The following NKAIN2 variants were observed in gnomAD, a reference collection of about 807,000 sequenced individuals.
NKAIN2 encodes the protein sodium/potassium transporting ATPase interacting 2, also known as sodium/potassium-transporting ATPase subunit beta-1-interacting protein 2.
Under a neutral mutation model 32.6 loss-of-function variants are expected in NKAIN2, and 14 were observed. The observed-to-expected ratio is 0.43, with a 90% confidence interval of 0.28 to 0.67. The LOEUF (loss-of-function observed/expected upper bound fraction) is 0.67, where lower values mean the gene tolerates loss of function less well. Among genes scored for constraint, NKAIN2 ranks in the 30% least tolerant of loss-of-function variants. The probability of loss-of-function intolerance (pLI) is 0.17; values close to 1 mark genes in which losing one functional copy is unlikely to be tolerated. For missense variants in NKAIN2, 198 were observed against 258.3 expected (o/e 0.77, Z 1.60); for synonymous variants, 80 against 87.2 (o/e 0.92, Z 0.46).
At chr6:124,422,815 A>G (rs62436336) in intron 3 of NKAIN2, among the ~76,000 whole-genome samples, 3,501 of 152,310 alleles carry the variant, frequency 0.023, 92 homozygotes, top group Non-Finnish European at 0.033. Context: ...TTCAGTGAAA[A>G]TCACTGTGAG....
intron 4 of NKAIN2, among the ~76,000 whole-genome samples, chr6:124,666,223 T>C (rs1249475995): frequency 6.6e-6 from 1 of 152,066 alleles, no homozygotes; most frequent in East Asian, 1.9e-4. Flanking sequence ...TTTATAAAAA[T>C]AGTCACAAAA....
chr6:124,124,340 G>C (rs1457240442), intron 1 of NKAIN2, among the ~76,000 whole-genome samples: 1 of 142,118 alleles, frequency 7.0e-6, no homozygotes, highest in Admixed American at 7.2e-5. Context: ...TTCATGAAGA[G>C]TATATAAATT....
At chr6:124,038,851 C>G (rs1460129660) in intron 1 of NKAIN2, among the ~76,000 whole-genome samples, 2 of 152,098 alleles carry the variant, frequency 1.3e-5, no homozygotes, top group East Asian at 3.9e-4. Flanking sequence ...AGCAATTTCA[C>G]AGAACAGTTC....
chr6:124,198,127 A>C (rs781106200), intron 1 of NKAIN2, among the ~76,000 whole-genome samples: 1 of 151,996 alleles, frequency 6.6e-6, no homozygotes, highest in Admixed American at 6.6e-5. Flanking sequence ...CATAACTCCA[A>C]TAACTCTAGA....
intron 1 of NKAIN2, among the ~76,000 whole-genome samples, chr6:124,122,681 C>G (rs7758870): frequency 0.69 from 105,310 of 151,948 alleles, 36,799 homozygotes; most frequent in African/African-American, 0.77. Context: ...CAGAAAGACT[C>G]CCCATAATTT....
At chr6:124,346,621 T>C (rs1206575709) in intron 2 of NKAIN2, among the ~76,000 whole-genome samples, 2 of 151,892 alleles carry the variant, frequency 1.3e-5, no homozygotes, top group Non-Finnish European at 2.9e-5. Context: ...TCTTTGTTGG[T>C]TTAAAGTCTG....
At chr6:124,320,088 G>A (rs2115021870) in intron 2 of NKAIN2, among the ~76,000 whole-genome samples, 1 of 152,240 alleles carries the variant, frequency 6.6e-6, no homozygotes, top group African/African-American at 2.4e-5. Flanking sequence ...TTGAGGCAAA[G>A]CTGAGCTTGC....
At chr6:124,674,221 G>A (rs1359161505) in intron 4 of NKAIN2, among the ~76,000 whole-genome samples, 1 of 151,878 alleles carries the variant, frequency 6.6e-6, no homozygotes, top group African/African-American at 2.4e-5. Flanking sequence ...TAGTCTATAT[G>A]TATCTGTTGT....
intron 4 of NKAIN2, among the ~76,000 whole-genome samples, chr6:124,762,572 A>G (rs1000124851): frequency 2.0e-5 from 3 of 152,202 alleles, no homozygotes; most frequent in South Asian, 2.1e-4. Flanking sequence ...TTAGGTTACA[A>G]TACACGATGC....
intron 1 of NKAIN2, among the ~76,000 whole-genome samples, chr6:124,009,597 T>TTA (rs1165324524): frequency 6.6e-6 from 1 of 152,162 alleles, no homozygotes; most frequent in African/African-American, 2.4e-5. Context: ...ACTTCTGAGT[T>TTA]TCACTGTTTA....
intron 1 of NKAIN2, among the ~76,000 whole-genome samples, chr6:123,867,346 T>C (rs571243680): frequency 6.6e-6 from 1 of 152,370 alleles, no homozygotes; most frequent in South Asian, 2.1e-4. Flanking sequence ...GCTATGTTTA[T>C]ATTCTTTTGT....
At chr6:124,161,744 G>T (rs986749561) in intron 1 of NKAIN2, among the ~76,000 whole-genome samples, 10 of 152,020 alleles carry the variant, frequency 6.6e-5, no homozygotes, top group South Asian at 4.1e-4. Flanking sequence ...GCTAAACATT[G>T]AGTACTTGTA....
At chr6:124,775,068 G>A (rs1480505808) in intron 4 of NKAIN2, among the ~76,000 whole-genome samples, 1 of 152,106 alleles carries the variant, frequency 6.6e-6, no homozygotes, top group Non-Finnish European at 1.5e-5. Flanking sequence ...CTTGAACATA[G>A]GGTATGGAAG....
intron 3 of NKAIN2, among the ~76,000 whole-genome samples, chr6:124,567,268 T>A (rs1334189794): frequency 6.6e-6 from 1 of 152,206 alleles, no homozygotes; most frequent in Non-Finnish European, 1.5e-5. Flanking sequence ...ACAGGACGCA[T>A]GACTATTATT....
At chr6:124,292,872 A>G (rs1374729349) in intron 2 of NKAIN2, among the ~76,000 whole-genome samples, 6 of 152,016 alleles carry the variant, frequency 3.9e-5, no homozygotes, top group South Asian at 2.1e-4. Flanking sequence ...AACTACATTG[A>G]CTGATTTTAT....
chr6:124,315,075 A>G (rs1796889259), intron 2 of NKAIN2, among the ~76,000 whole-genome samples: 1 of 152,152 alleles, frequency 6.6e-6, no homozygotes, highest in Non-Finnish European at 1.5e-5. Flanking sequence ...AGTAATGTGC[A>G]TTACACATTC....
At chr6:123,863,988 A>G (rs1775888704) in intron 1 of NKAIN2, among the ~76,000 whole-genome samples, 2 of 152,232 alleles carry the variant, frequency 1.3e-5, no homozygotes, top group African/African-American at 4.8e-5. Context: ...TTTCAGCTAT[A>G]AAGATCAAAA....
intron 4 of NKAIN2, among the ~76,000 whole-genome samples, chr6:124,754,478 A>G (rs1253533425): frequency 6.6e-6 from 1 of 151,584 alleles, no homozygotes; most frequent in African/African-American, 2.4e-5. Flanking sequence ...TTTTTTTTCC[A>G]TATGATTGTT....
intron 2 of NKAIN2, among the ~76,000 whole-genome samples, chr6:124,288,161 A>G (rs1330004587): frequency 6.6e-6 from 1 of 152,170 alleles, no homozygotes; most frequent in Non-Finnish European, 1.5e-5. Context: ...ACCTTTCTTC[A>G]TAAATTCTAT....
Sources: allele counts gnomAD v4.1 joint callset (sites outside exome capture counted in the v4.1 genomes callset), GRCh38; gene constraint gnomAD v4.1.1; transcripts MANE v1.5; gene names NCBI Gene and HGNC (gene_info 2026-07-23, HGNC 2026-07-21).